The following DDAH1 variants were observed in gnomAD, a reference collection of about 807,000 sequenced individuals.
DDAH1 encodes the protein dimethylarginine dimethylaminohydrolase 1.
DDAH1 carries 19 observed loss-of-function variants against 28.8 expected under a neutral mutation model. That is an observed-to-expected ratio of 0.66 (90% CI 0.46 to 0.97). The LOEUF is 0.97. Ranked by LOEUF, DDAH1 falls within the 50% of genes least tolerant of loss-of-function variation. The pLI, the probability that DDAH1 is intolerant of heterozygous loss-of-function variation, is 0.00. For missense variants in DDAH1, 326 were observed against 375.9 expected, an observed-to-expected ratio of 0.87 and a Z score of 1.10; for synonymous variants, 153 against 154.4, an observed-to-expected ratio of 0.99 and a Z score of 0.07.
chr1:85,404,610 AC>A, intron 1 of DDAH1: 1 of 1,156,798 alleles, frequency 8.6e-7, no homozygotes. Context: ...GTCTGCTGAA[AC>A]CGAATCCAAG....
chr1:85,465,128 C>T lies in DDAH1; in HGVS notation c.-83G>A. On this transcript the variant is annotated 5_prime_UTR_variant, in exon 1 of 6. Coordinates refer to ENST00000284031, the MANE Select transcript of DDAH1 (RefSeq NM_012137.4). ...GCAGCGCGCGCTGAGCCTGCGAGCG[C>T]CCGTCGGCTCCTCTTGGCAGCCGCT... 8.5e-7 allele frequency: 1 copy of T among 1,171,648 alleles called. No homozygotes were observed. The highest frequency in any genetic ancestry group is 1.1e-6 in the Non-Finnish European group (1 of 950,196). The allele number at this position is 1,171,648 out of a possible 1,614,324, so 72.6% of individuals were successfully genotyped here.
chr1:85,574,721 C>T (rs1659549229), intron 1 of DDAH1, among the ~76,000 whole-genome samples: 1 of 152,132 alleles, frequency 6.6e-6, no homozygotes, highest in African/African-American at 2.4e-5. Flanking sequence ...ATCTGGGATT[C>T]AGGGAAGGGT....
intron 1 of DDAH1, among the ~76,000 whole-genome samples, chr1:85,555,179 T>C (rs1305773156): frequency 1.3e-5 from 2 of 152,218 alleles, no homozygotes; most frequent in African/African-American, 4.8e-5. Context: ...GTAAATAGTT[T>C]TGGAATGAAC....
intron 1 of DDAH1, among the ~76,000 whole-genome samples, chr1:85,428,304 G>C (rs1301537284): frequency 6.6e-6 from 1 of 152,164 alleles, no homozygotes; most frequent in East Asian, 1.9e-4. Context: ...GTTCCACATG[G>C]CTGGGGAGGC....
chr1:85,375,814 A>G (rs548000349), intron 1 of DDAH1, among the ~76,000 whole-genome samples: 1 of 152,310 alleles, frequency 6.6e-6, no homozygotes, highest in Non-Finnish European at 1.5e-5. Flanking sequence ...TTTTTGGGTC[A>G]ATGACCAACC....
Position 85,324,889 on chromosome 1 carries a change from A to G in DDAH1, c.598-6T>C. 6.2e-7 allele frequency: 1 copy of G among 1,613,826 alleles called. No homozygotes were observed. The highest frequency in any genetic ancestry group is 8.5e-7 in the Non-Finnish European group (1 of 1,179,920). ...TCACTCATCTGTTGCATGATCTATA[A>G]AGAGAAACAAAGCAGGCCTAAGAAG... On this transcript the variant is annotated splice_polypyrimidine_tract_variant and splice_region_variant and intron_variant, in intron 4 of 5. Coordinates refer to ENST00000284031, the MANE Select transcript of DDAH1 (RefSeq NM_012137.4).
chr1:85,456,167 C>T lies in DDAH1; in HGVS notation c.303+8576G>A, dbSNP rs1382176378. 4.6e-5 allele frequency among the ~76,000 whole-genome samples: 7 copies of T among 152,246 alleles called. No homozygotes were observed. In the East Asian group the frequency reaches 7.7e-4, roughly 17 times the overall value. On this transcript the variant is annotated intron_variant, in intron 1 of 5. Transcript: ENST00000284031. ...AATCAAAACCAGTGTCTCCTGCCCC[C>T]AGGACAGTGGGTATCCCCACCTGGC...
intron 1 of DDAH1, among the ~76,000 whole-genome samples, chr1:85,449,739 G>A (rs1022382233): frequency 3.9e-5 from 6 of 152,150 alleles, no homozygotes; most frequent in Non-Finnish European, 5.9e-5. Context: ...TGTGTGGTGG[G>A]TGAAAGTCCA....
At chr1:85,358,717 T>C in intron 2 of DDAH1, 31 bp downstream of exon 2, 1 of 1,405,806 alleles carries the variant, frequency 7.1e-7, no homozygotes, top group Non-Finnish European at 9.8e-7. Context: ...TTAAAAATAT[T>C]CTTGGATAGA....
intron 1 of DDAH1, among the ~76,000 whole-genome samples, chr1:85,365,179 A>G (rs1294340224): frequency 6.6e-6 from 1 of 152,230 alleles, no homozygotes; most frequent in African/African-American, 2.4e-5. Flanking sequence ...AAAGTCTCAT[A>G]GCAAGTAAGC....
At chr1:85,506,018 G>C (rs11161624) in intron 1 of DDAH1, among the ~76,000 whole-genome samples, 10,994 of 152,204 alleles carry the variant, frequency 0.072, 1,324 homozygotes, top group African/African-American at 0.25. Flanking sequence ...GGGAGACAAA[G>C]ATGTATAAAA....
At chr1:85,393,305 A>G (rs1232041051) in intron 1 of DDAH1, among the ~76,000 whole-genome samples, 2 of 152,138 alleles carry the variant, frequency 1.3e-5, no homozygotes, top group African/African-American at 4.8e-5. Context: ...ACTTGTGGGG[A>G]CAGTCTCTCC....
chr1:85,492,845 G>C lies in DDAH1; in HGVS notation c.-7+3321C>G, dbSNP rs151303723. 4.3e-3 allele frequency among the ~76,000 whole-genome samples: 648 copies of C among 152,100 alleles called. 4 individuals are homozygous for C. Among genetic ancestry groups the C allele is most frequent in the African/African-American group, 0.015 (614 of 41,514 alleles). ...TAATTACTCTCAAACAATGTCAAGG[G>C]AACCAACCACATTATGAACTGTCTA... is the stretch of plus-strand genomic sequence containing the variant. On this transcript the variant is annotated intron_variant, in intron 2 of 6. Coordinates refer to the DDAH1 transcript ENST00000426972.
intron 1 of DDAH1, among the ~76,000 whole-genome samples, chr1:85,533,259 A>T (rs1221273631): frequency 6.6e-6 from 1 of 152,218 alleles, no homozygotes; most frequent in Non-Finnish European, 1.5e-5. Flanking sequence ...ACCTTTACAA[A>T]TTGCTACATT....
chr1:85,395,515 A>G (rs1219689152), intron 1 of DDAH1, among the ~76,000 whole-genome samples: 1 of 152,088 alleles, frequency 6.6e-6, no homozygotes, highest in Non-Finnish European at 1.5e-5. Flanking sequence ...TCTACTAAAA[A>G]TACAAAATCA....
intron 1 of DDAH1, among the ~76,000 whole-genome samples, chr1:85,360,217 A>AGGAT (rs1557520462): frequency 6.6e-6 from 1 of 152,234 alleles, no homozygotes; most frequent in Non-Finnish European, 1.5e-5. Context: ...ACATTTAAAG[A>AGGAT]GGATACAAAG....
chr1:85,573,917 C>T (rs996641912), intron 1 of DDAH1, among the ~76,000 whole-genome samples: 5 of 152,198 alleles, frequency 3.3e-5, no homozygotes, highest in African/African-American at 1.2e-4. Context: ...TTATAGAATG[C>T]TGGAGCAAGA....
At chr1:85,425,819 T>C (rs1653367622) in intron 1 of DDAH1, among the ~76,000 whole-genome samples, 1 of 152,168 alleles carries the variant, frequency 6.6e-6, no homozygotes, top group South Asian at 2.1e-4. Context: ...CACCTTGTAT[T>C]AGCTGAGTGA....
At chr1:85,442,395 A>C (rs530439659) in intron 1 of DDAH1, among the ~76,000 whole-genome samples, 1 of 152,192 alleles carries the variant, frequency 6.6e-6, no homozygotes, top group Non-Finnish European at 1.5e-5. Context: ...TCCATGGTGT[A>C]TATGTGCCAC....
Sources: gnomAD v4.1 joint callset for allele counts (sites outside exome capture counted in the v4.1 genomes callset) on GRCh38, gnomAD v4.1.1 for gene constraint, MANE v1.5 for transcripts, NCBI Gene and HGNC (gene_info 2026-07-23, HGNC 2026-07-21) for gene names.